SNX29: variants seen among roughly 807,000 people sequenced by gnomAD.
SNX29 encodes the protein sorting nexin-29.
Under a neutral mutation model 102.1 loss-of-function variants are expected in SNX29, and 78 were observed. The ratio of observed to expected loss-of-function variants is 0.76; its 90% CI spans 0.64 to 0.92. The LOEUF is 0.92. Among genes scored for constraint, SNX29 ranks in the 40% least tolerant of loss-of-function variants. The pLI, the probability that SNX29 is intolerant of heterozygous loss-of-function variation, is 0.00. For missense variants in SNX29, 1,280 were observed against 1,061.7 expected, an observed-to-expected ratio of 1.21 and a Z score of -2.86; for synonymous variants, 580 against 414.5, an observed-to-expected ratio of 1.40 and a Z score of -4.85.
chr16:12,566,067 C>G (rs763473672), intron 20 of SNX29, among the ~76,000 whole-genome samples: 6 of 152,354 alleles, frequency 3.9e-5, no homozygotes, highest in Middle Eastern at 3.4e-3. Context: ...CCCATTGTCT[C>G]TCTAGGCACT....
At chr16:12,245,374 C>T (rs184781678) in intron 14 of SNX29, among the ~76,000 whole-genome samples, 62 of 151,928 alleles carry the variant, frequency 4.1e-4, no homozygotes, top group Admixed American at 8.5e-4. Flanking sequence ...TTATGTAAAG[C>T]GCTCAGTAAC....
chr16:11,987,231 AT>A (rs962645965), intron 1 of SNX29, among the ~76,000 whole-genome samples: 30 of 147,506 alleles, frequency 2.0e-4, no homozygotes, highest in Middle Eastern at 3.5e-3. Context: ...TACCTGGCTA[AT>A]TTTTTTTTTT....
intron 20 of SNX29, among the ~76,000 whole-genome samples, chr16:12,552,993 G>A (rs545801665): frequency 7.5e-4 from 115 of 152,342 alleles, no homozygotes; most frequent in African/African-American, 2.5e-3. Flanking sequence ...TGTCTGAGGG[G>A]CTGAAATCAG....
At chr16:12,429,488 A>G (rs2085225137) in intron 18 of SNX29, among the ~76,000 whole-genome samples, 1 of 152,204 alleles carries the variant, frequency 6.6e-6, no homozygotes, top group Non-Finnish European at 1.5e-5. Flanking sequence ...TGACAAGATC[A>G]TAGCTCACTG....
rs373704933 is a variant in SNX29, at chr16:12,573,593, C to G, written c.*4964C>G. The G allele has an allele frequency of 4.5e-6, 1 of 222,048 alleles. No individual in the cohort carries two copies. The highest frequency in any genetic ancestry group is 9.0e-6 in the Non-Finnish European group (1 of 110,972). The allele number at this position is 222,048 out of a possible 1,614,324, so 13.8% of individuals were successfully genotyped here. On this transcript the variant is annotated 3_prime_UTR_variant, in exon 21 of 21. Transcript: ENST00000566228. Reference sequence around the variant, plus strand: ...CTCACCCAGGCTTCCCCCACTTCCCCTCAAATTTTCTCAGCTCTGCCGCTG... The same window carrying G: ...CTCACCCAGGCTTCCCCCACTTCCCGTCAAATTTTCTCAGCTCTGCCGCTG...
intron 15 of SNX29, among the ~76,000 whole-genome samples, chr16:12,321,039 C>T (rs1244245890): frequency 6.6e-6 from 1 of 152,174 alleles, no homozygotes; most frequent in East Asian, 1.9e-4. Flanking sequence ...AATCCTCACC[C>T]TCCTCATCTA....
intron 14 of SNX29, among the ~76,000 whole-genome samples, chr16:12,255,755 C>A (rs1382229710): frequency 1.3e-5 from 2 of 152,132 alleles, no homozygotes; most frequent in Non-Finnish European, 2.9e-5. Context: ...GTATATACGT[C>A]ACGTTTTGTT....
intron 20 of SNX29, among the ~76,000 whole-genome samples, chr16:12,538,692 G>T (rs1290788230): frequency 6.6e-6 from 1 of 152,192 alleles, no homozygotes; most frequent in Non-Finnish European, 1.5e-5. Context: ...CCCAGGACCA[G>T]TGGGCGAGCC....
intron 13 of SNX29, among the ~76,000 whole-genome samples, chr16:12,195,675 G>C (rs2076754868): frequency 6.6e-6 from 1 of 152,180 alleles, no homozygotes. Context: ...CGTTTTCAAT[G>C]TTGCCCTGTT....
At chr16:12,104,835 C>G (rs1381462228) in intron 11 of SNX29, among the ~76,000 whole-genome samples, 4 of 152,228 alleles carry the variant, frequency 2.6e-5, no homozygotes, top group Non-Finnish European at 4.4e-5. Flanking sequence ...GTATGCAGAA[C>G]TTTCTTTGCT....
In SNX29 at chr16:12,142,655, C is replaced by T. The variant is rs374550462; in HGVS notation, c.1595+12897C>T. On this transcript the variant is annotated intron_variant, in intron 13 of 20. Transcript: ENST00000566228. Reference sequence around the variant, plus strand: ...TCTCAGATCACTGCAACCTCTGCCTCCCGGGTTCAAGCGATTCTCCTGCTC... The same window carrying T: ...TCTCAGATCACTGCAACCTCTGCCTTCCGGGTTCAAGCGATTCTCCTGCTC... 4.9e-4 allele frequency among the ~76,000 whole-genome samples: 74 copies of T among 152,064 alleles called. 2 individuals are homozygous for T. The South Asian group carries it at 0.015, about 31-fold the overall frequency.
At chr16:12,469,421 C>T (rs1258935221) in intron 18 of SNX29, among the ~76,000 whole-genome samples, 2 of 152,198 alleles carry the variant, frequency 1.3e-5, no homozygotes, top group African/African-American at 4.8e-5. Flanking sequence ...AAACACAAAT[C>T]ATTTCATTCC....
At chr16:12,559,630 C>T (rs563940164) in intron 20 of SNX29, among the ~76,000 whole-genome samples, 1 of 152,082 alleles carries the variant, frequency 6.6e-6, no homozygotes, top group African/African-American at 2.4e-5. Flanking sequence ...TGCACATGGC[C>T]CTGTATCCAA....
intron 20 of SNX29, among the ~76,000 whole-genome samples, chr16:12,536,843 G>A (rs1339651167): frequency 6.6e-6 from 1 of 152,138 alleles, no homozygotes; most frequent in Non-Finnish European, 1.5e-5. Flanking sequence ...AGGCATGGTG[G>A]TGCACACCTG....
intron 18 of SNX29, among the ~76,000 whole-genome samples, chr16:12,405,829 T>C (rs1028642942): frequency 4.6e-5 from 7 of 151,180 alleles, no homozygotes; most frequent in African/African-American, 1.7e-4. Context: ...AGATCAGTAG[T>C]TTGAGACCAG....
chr16:12,360,403 C>G (rs541595713), intron 16 of SNX29, among the ~76,000 whole-genome samples: 2 of 152,190 alleles, frequency 1.3e-5, no homozygotes, highest in East Asian at 3.8e-4. Flanking sequence ...TTGCTAATTG[C>G]AATCCTATGG....
chr16:12,445,812 C>A (rs2086021845), intron 18 of SNX29, among the ~76,000 whole-genome samples: 1 of 152,136 alleles, frequency 6.6e-6, no homozygotes, highest in Non-Finnish European at 1.5e-5. Flanking sequence ...TTAACCAATT[C>A]AAGCCTCGGG....
intron 1 of SNX29, among the ~76,000 whole-genome samples, chr16:11,998,266 C>T (rs1484290723): frequency 6.6e-6 from 1 of 152,190 alleles, no homozygotes; most frequent in Admixed American, 6.6e-5. Context: ...GTGTCTGGTG[C>T]ATCATACTCC....
At chr16:12,260,633 A>C (rs1341436896) in intron 14 of SNX29, among the ~76,000 whole-genome samples, 1 of 151,956 alleles carries the variant, frequency 6.6e-6, no homozygotes, top group Non-Finnish European at 1.5e-5. Flanking sequence ...CTTGCTCTCC[A>C]GGGCTTTCTT....
Sources: gnomAD v4.1 joint callset for allele counts (sites outside exome capture counted in the v4.1 genomes callset) on GRCh38, gnomAD v4.1.1 for gene constraint, MANE v1.5 for transcripts, NCBI Gene and HGNC (gene_info 2026-07-23, HGNC 2026-07-21) for gene names.